Variants in PDGFB observed in about 807,000 individuals in gnomAD.
The protein encoded by PDGFB is platelet derived growth factor subunit B, also known as platelet-derived growth factor subunit B.
Under a neutral mutation model 29.0 loss-of-function variants are expected in PDGFB, and 6 were observed. The observed-to-expected ratio is 0.21, with a 90% confidence interval of 0.11 to 0.41. The LOEUF (loss-of-function observed/expected upper bound fraction) is 0.41, where lower values mean the gene tolerates loss of function less well. PDGFB is among the 10% of genes least tolerant of loss of function. The pLI, the probability that PDGFB is intolerant of heterozygous loss-of-function variation, is 1.00. For missense variants in PDGFB, 299 were observed against 341.8 expected, an observed-to-expected ratio of 0.87 and a Z score of 0.99; for synonymous variants, 144 against 140.8, an observed-to-expected ratio of 1.02 and a Z score of -0.16.
intron 1 of PDGFB, chr22:39,241,255 C>T (rs1239076024): frequency 1.2e-5 from 5 of 419,706 alleles, no homozygotes; most frequent in Admixed American, 3.7e-5. Flanking sequence ...GGCTGCCTGC[C>T]GTCTGCTGAA....
In PDGFB at chr22:39,224,315, C is replaced by G. The variant is rs551968402; in HGVS notation, c.*1027G>C. 2 of 152,256 alleles carry G rather than the reference C, an allele frequency of 1.3e-5. No homozygotes were observed. The highest frequency in any genetic ancestry group is 2.1e-4 in the South Asian group (1 of 4,830). 9.4% of individuals were successfully genotyped at this position (152,256 alleles called of 1,614,324 possible). A position where few individuals can be genotyped will look rare whatever the true frequency, so the allele number is the denominator to read the frequency against. On this transcript the variant is annotated 3_prime_UTR_variant, in exon 7 of 7. Coordinates refer to ENST00000331163, the MANE Select transcript of PDGFB (RefSeq NM_002608.4). The stretch of plus-strand genomic sequence containing the variant: ...AAATCAGCTTTATCTATGATGTGAA[C>G]AGTGCTCCCTGCATACAATGTCCTT...
intron 4 of PDGFB, among the ~76,000 whole-genome samples, chr22:39,230,888 G>A (rs1414039369): frequency 6.6e-6 from 1 of 152,232 alleles, no homozygotes; most frequent in Non-Finnish European, 1.5e-5. Context: ...GCTGGCCTGG[G>A]GCGTGCAGGA....
At chr22:39,239,092 G>A (rs906937106) in intron 1 of PDGFB, among the ~76,000 whole-genome samples, 1 of 152,214 alleles carries the variant, frequency 6.6e-6, no homozygotes, top group South Asian at 2.1e-4. Context: ...CTCGCCCGGG[G>A]TTACTGGGAG....
rs147709147 is a variant in PDGFB, at chr22:39,236,858, T to A, written c.64-984A>T. On this transcript the variant is annotated intron_variant, in intron 1 of 6. Coordinates refer to ENST00000331163, the MANE Select transcript of PDGFB (RefSeq NM_002608.4). ...AAGGCTGGAACCGGACTTCCACGTG[T>A]GCAAACACACACGTGCAGGCACAGG... 2.7e-3 allele frequency among the ~76,000 whole-genome samples: 416 copies of A among 152,226 alleles called. 1 individual carries two copies. The highest frequency in any genetic ancestry group is 9.2e-3 in the African/African-American group (384 of 41,540).
Position 39,231,277 on chromosome 22 carries a change from G to A in PDGFB, c.456+345C>T, listed in dbSNP as rs536878423. 3.5e-4 allele frequency among the ~76,000 whole-genome samples: 54 copies of A among 152,358 alleles called. No homozygotes were observed. Among genetic ancestry groups the A allele is most frequent in the Non-Finnish European group, 6.6e-4 (45 of 68,036 alleles). Reference sequence around the variant, plus strand: ...TTCTGAGTGTCAGATAAATGTTTGCGGATACGGCTCTTCAAGGGACGTTTT... The same window carrying A: ...TTCTGAGTGTCAGATAAATGTTTGCAGATACGGCTCTTCAAGGGACGTTTT... On this transcript the variant is annotated intron_variant, in intron 4 of 6. Transcript: ENST00000331163. The surrounding 1 kb of genome is among the most constrained non-coding windows in gnomAD (Gnocchi z 4.3).
chr22:39,235,075 A>C (rs1439389634), intron 2 of PDGFB, among the ~76,000 whole-genome samples: 1 of 152,204 alleles, frequency 6.6e-6, no homozygotes, highest in Middle Eastern at 3.2e-3. Context: ...CAGGGGCCCA[A>C]CGGGGAGAGG....
At chr22:39,225,653 A>C in intron 6 of PDGFB, 42 bp downstream of exon 6, 1 of 1,559,350 alleles carries the variant, frequency 6.4e-7, no homozygotes, top group South Asian at 1.1e-5. Flanking sequence ...CAGAGAAGAA[A>C]ACACAGGATT....
At chr22:39,234,968 C>T (rs1004398428) in intron 2 of PDGFB, among the ~76,000 whole-genome samples, 1 of 152,162 alleles carries the variant, frequency 6.6e-6, no homozygotes, top group Admixed American at 6.5e-5. Flanking sequence ...CCCTGGCGAA[C>T]AATAGGTGGG....
At chr22:39,241,722 C>CGCGGTTGCACACGCCAGGTCCCT (rs1932571987) in intron 1 of PDGFB, among the ~76,000 whole-genome samples, 2 of 152,216 alleles carry the variant, frequency 1.3e-5, no homozygotes, top group Admixed American at 1.3e-4. Flanking sequence ...GAGCCCCCTC[C>CGCGGTTGCACACGCCAGGTCCCT]GCGGTTGCAC....
At chr22:39,233,563 C>T in intron 2 of PDGFB, 39 bp from the exon 3 acceptor site, 4 of 1,487,336 alleles carry the variant, frequency 2.7e-6, no homozygotes, top group Non-Finnish European at 3.6e-6. Context: ...GGCGGCCCCA[C>T]CTTGGGCAGG....
chr22:39,225,606 T>C (rs893124174), intron 6 of PDGFB, 89 bp downstream of exon 6: 5 of 1,294,946 alleles, frequency 3.9e-6, no homozygotes, highest in Non-Finnish European at 3.2e-6. Flanking sequence ...GGATTTTCTA[T>C]GGAAAAATCC....
chr22:39,232,539 G>A (rs770747955), intron 3 of PDGFB, among the ~76,000 whole-genome samples: 1 of 151,892 alleles, frequency 6.6e-6, no homozygotes, highest in Non-Finnish European at 1.5e-5. Flanking sequence ...CGCCAGGCTG[G>A]AGTGCAGTGG....
rs553516646 is a variant in PDGFB at position 39,230,530 on chromosome 22, C to G, written c.457-302G>C. The stretch of plus-strand genomic sequence containing the variant: ...GCTGGGGCCTGCGGTATCCTCATTC[C>G]CGGAGCGCCAGCCAAGGTCAGGGCT... On this transcript the variant is annotated intron_variant, in intron 4 of 6. Transcript: ENST00000331163. Among the ~76,000 whole-genome samples, 34 of 152,348 alleles carry G rather than the reference C, an allele frequency of 2.2e-4. 1 individual carries two copies. The highest frequency in any genetic ancestry group is 1.4e-3 in the South Asian group (7 of 4,828).
At chr22:39,227,574 A>G (rs1932198145) in intron 5 of PDGFB, among the ~76,000 whole-genome samples, 1 of 152,212 alleles carries the variant, frequency 6.6e-6, no homozygotes, top group Non-Finnish European at 1.5e-5. Context: ...CACACTTTAC[A>G]GATGAGGAAA....
chr22:39,238,055 G>A (rs1468463347), intron 1 of PDGFB, among the ~76,000 whole-genome samples: 6 of 152,190 alleles, frequency 3.9e-5, no homozygotes, highest in Admixed American at 3.3e-4. Context: ...GCCCACTGGA[G>A]AGCCGGCTGC....
intron 2 of PDGFB, among the ~76,000 whole-genome samples, chr22:39,234,086 G>A (rs1932382004): frequency 6.6e-6 from 1 of 151,926 alleles, no homozygotes; most frequent in African/African-American, 2.4e-5. Context: ...GGTGGGAGTT[G>A]GGCCTGCTGG....
At position 39,243,819 on chromosome 22, in the gene PDGFB, T is replaced by C; in HGVS notation, c.63+82A>G. The C allele has an allele frequency of 4.3e-6, 5 of 1,172,576 alleles. No individual in the cohort carries two copies. Among genetic ancestry groups the C allele is most frequent in the Admixed American group, 2.1e-5 (1 of 48,044 alleles). 72.6% of individuals were successfully genotyped at this position (1,172,576 alleles called of 1,614,324 possible). ...CGGGCTGCAAGGGTCCAAAGTTCAC[T>C]GCAGGGAGAGGAGGGGGCGGTCAGA... On this transcript the variant is annotated intron_variant, in intron 1 of 6. Transcript: ENST00000331163. This position sits in a 1 kb window ranked among gnomAD's most constrained non-coding sequence, Gnocchi z 6.4.
chr22:39,240,985 A>G (rs941223175), intron 1 of PDGFB: 205 of 1,256,992 alleles, frequency 1.6e-4, no homozygotes, highest in Non-Finnish European at 2.2e-4. Flanking sequence ...CAGATCCTCC[A>G]AATTCTGTTT....
Position 39,243,730 on chromosome 22 carries a change from GC to G in PDGFB, c.63+170del, listed in dbSNP as rs2146458875. ...GCCACCGCTGTTGCCTTCCCTTAGA[GC>G]CTGTCACCCCCGGACCTCGCTCCCA... is the stretch of plus-strand genomic sequence containing the variant. On this transcript the variant is annotated intron_variant, in intron 1 of 6. Coordinates refer to ENST00000331163, the MANE Select transcript of PDGFB (RefSeq NM_002608.4). The surrounding 1 kb of genome is among the most constrained non-coding windows in gnomAD (Gnocchi z 6.4). Among the ~76,000 whole-genome samples, 1 of 152,270 alleles carries G rather than the reference GC, an allele frequency of 6.6e-6. No individual in the cohort carries two copies. Among genetic ancestry groups the G allele is most frequent in the African/African-American group, 2.4e-5 (1 of 41,546 alleles).
Sources: gnomAD v4.1 joint callset for allele counts (sites outside exome capture counted in the v4.1 genomes callset) on GRCh38, gnomAD v4.1.1 for gene constraint, Gnocchi (gnomAD v3.1) non-coding constraint, MANE v1.5 for transcripts, NCBI Gene and HGNC (gene_info 2026-07-23, HGNC 2026-07-21) for gene names.